The following LRMDA variants were observed in gnomAD, a reference collection of about 807,000 sequenced individuals.
LRMDA encodes leucine rich melanocyte differentiation associated.
In LRMDA, 18 loss-of-function variants were observed where a neutral mutation model predicts 29.8. The ratio of observed to expected loss-of-function variants is 0.60; its 90% CI spans 0.42 to 0.90. LRMDA has a LOEUF of 0.90. LRMDA is among the 40% of genes least tolerant of loss of function. The pLI is 0.00. For missense variants in LRMDA, 273 were observed against 273.9 expected, an observed-to-expected ratio of 1.00 and a Z score of 0.02; for synonymous variants, 125 against 109.4, an observed-to-expected ratio of 1.14 and a Z score of -0.89.
intron 5 of LRMDA, among the ~76,000 whole-genome samples, chr10:76,322,890 A>G (rs1840789030): frequency 6.6e-6 from 1 of 152,180 alleles, no homozygotes; most frequent in Non-Finnish European, 1.5e-5. Context: ...TTAGGACACT[A>G]TCCTCATGTT....
chr10:76,557,009 A>G (rs139888254), intron 6 of LRMDA, among the ~76,000 whole-genome samples, 200 bp from the exon 7 acceptor site: 10 of 152,320 alleles, frequency 6.6e-5, no homozygotes, highest in African/African-American at 2.4e-4. Context: ...GTGACATTTT[A>G]TTTCAATGTC....
At chr10:75,829,704 C>T (rs1482588876) in intron 2 of LRMDA, among the ~76,000 whole-genome samples, 1 of 151,918 alleles carries the variant, frequency 6.6e-6, no homozygotes, top group Non-Finnish European at 1.5e-5. Context: ...CTATACTTCC[C>T]CTGGCTTGTA....
At chr10:76,295,458 A>G (rs1402162463) in intron 5 of LRMDA, among the ~76,000 whole-genome samples, 2 of 152,220 alleles carry the variant, frequency 1.3e-5, no homozygotes, top group East Asian at 3.9e-4. Context: ...TCAGGTTATT[A>G]TATAGCATTC....
chr10:75,779,268 G>T (rs933846992), intron 2 of LRMDA, among the ~76,000 whole-genome samples: 2 of 152,042 alleles, frequency 1.3e-5, no homozygotes, highest in African/African-American at 4.8e-5. Context: ...GACCCCTTTT[G>T]CCCCTCTCCC....
chr10:75,926,119 G>A (rs927945161), intron 2 of LRMDA, among the ~76,000 whole-genome samples: 1 of 152,200 alleles, frequency 6.6e-6, no homozygotes, highest in African/African-American at 2.4e-5. Context: ...GGCATGTGGG[G>A]AACCCTGAAA....
At position 76,363,276 on chromosome 10, in the gene LRMDA, AAAGG is replaced by A. The variant is rs1212066726; in HGVS notation, c.601+38812_601+38815del. ...GAAAGAAGGAAGGAAGGAAGGAAGGAAAGGAAGGAAGGAAGGAAGGAAGGGAGGA... is the reference window on the plus strand; with the variant it reads ...GAAAGAAGGAAGGAAGGAAGGAAGGAAAGGAAGGAAGGAAGGAAGGGAGGA... On this transcript the variant is annotated intron_variant, in intron 6 of 6. Coordinates refer to ENST00000611255, the MANE Select transcript of LRMDA (RefSeq NM_001305581.2). Among the ~76,000 whole-genome samples, 18 of 58,874 alleles carry A rather than the reference AAAGG, an allele frequency of 3.1e-4. 2 individuals are homozygous for A. Among genetic ancestry groups the A allele is most frequent in the South Asian group, 1.4e-3 (2 of 1,464 alleles). The allele number at this position is 58,874 out of a possible 152,430, so 38.6% of individuals were successfully genotyped here. A position where few individuals can be genotyped will look rare whatever the true frequency, so the allele number is the denominator to read the frequency against.
intron 6 of LRMDA, among the ~76,000 whole-genome samples, chr10:76,441,668 A>C (rs534930621): frequency 6.6e-6 from 1 of 152,278 alleles, no homozygotes; most frequent in Admixed American, 6.5e-5. Flanking sequence ...GCCCCCATCC[A>C]GCAGGATGTG....
chr10:75,503,893 G>T (rs1845142737), intron 2 of LRMDA, among the ~76,000 whole-genome samples: 1 of 152,064 alleles, frequency 6.6e-6, no homozygotes, highest in Non-Finnish European at 1.5e-5. Flanking sequence ...ATCTGGAAGT[G>T]TAAGGGTATT....
intron 2 of LRMDA, among the ~76,000 whole-genome samples, chr10:75,462,426 T>C (rs1350501202): frequency 1.3e-5 from 2 of 152,244 alleles, no homozygotes. Context: ...GTAAGACATC[T>C]GTCTTTGTCG....
chr10:75,921,755 A>G (rs1846027889), intron 2 of LRMDA, among the ~76,000 whole-genome samples: 1 of 152,208 alleles, frequency 6.6e-6, no homozygotes, highest in African/African-American at 2.4e-5. Flanking sequence ...ACCAACCTGA[A>G]GCATTCTTTA....
chr10:76,468,892 T>TGAGAAAGAGA (rs1236392473), intron 6 of LRMDA, among the ~76,000 whole-genome samples: 4 of 151,608 alleles, frequency 2.6e-5, no homozygotes, highest in Non-Finnish European at 5.9e-5. Context: ...AGAGAGGAAG[T>TGAGAAAGAGA]GAGAAAGAGA....
chr10:75,714,001 G>T (rs1842468543), intron 2 of LRMDA, among the ~76,000 whole-genome samples: 1 of 152,104 alleles, frequency 6.6e-6, no homozygotes, highest in Middle Eastern at 3.4e-3. Flanking sequence ...TATTTTTCTT[G>T]TGCCACTTAT....
chr10:75,813,742 C>A (rs1381712614), intron 2 of LRMDA, among the ~76,000 whole-genome samples: 1 of 152,164 alleles, frequency 6.6e-6, no homozygotes, highest in Non-Finnish European at 1.5e-5. Context: ...ATTCCCTGAT[C>A]GTGAACTCCC....
At chr10:76,541,901 C>A (rs138351590) in intron 6 of LRMDA, among the ~76,000 whole-genome samples, 58 of 152,306 alleles carry the variant, frequency 3.8e-4, no homozygotes, top group African/African-American at 1.3e-3. Flanking sequence ...ACTGTAAATG[C>A]TCAATTCCTA....
At chr10:76,507,179 T>C (rs192635121) in intron 6 of LRMDA, among the ~76,000 whole-genome samples, 63 of 148,640 alleles carry the variant, frequency 4.2e-4, no homozygotes, top group Admixed American at 6.2e-4. Context: ...TGATTTGCAG[T>C]TCCTTGATGA....
chr10:76,255,775 A>G (rs943550682), intron 5 of LRMDA, among the ~76,000 whole-genome samples: 5 of 152,238 alleles, frequency 3.3e-5, no homozygotes, highest in African/African-American at 7.2e-5. Context: ...GAAGCTCACA[A>G]AAGAATTGAT....
chr10:75,845,539 T>TA (rs1844618388), intron 2 of LRMDA, among the ~76,000 whole-genome samples: 1 of 152,186 alleles, frequency 6.6e-6, no homozygotes, highest in Admixed American at 6.5e-5. Flanking sequence ...GGTGGACACT[T>TA]AGTCATCACG....
chr10:75,541,680 TA>T (rs1373340257), intron 2 of LRMDA, among the ~76,000 whole-genome samples: 1 of 152,160 alleles, frequency 6.6e-6, no homozygotes, highest in South Asian at 2.1e-4. Context: ...TCCGATCTGC[TA>T]GGGGGTAATT....
At chr10:76,014,124 A>C (rs1847837052) in intron 2 of LRMDA, among the ~76,000 whole-genome samples, 2 of 130,530 alleles carry the variant, frequency 1.5e-5, no homozygotes, top group East Asian at 2.2e-4. Context: ...ATATATATAT[A>C]ATTATATATA....
Sources: allele counts gnomAD v4.1 joint callset (sites outside exome capture counted in the v4.1 genomes callset), GRCh38; gene constraint gnomAD v4.1.1; transcripts MANE v1.5; gene names NCBI Gene and HGNC (gene_info 2026-07-23, HGNC 2026-07-21).